Variants in NEGR1 observed in about 807,000 individuals in gnomAD.
NEGR1 encodes IgLON family member 4.
In NEGR1, 10 loss-of-function variants were observed where a neutral mutation model predicts 40.9. The observed-to-expected ratio is 0.24, with a 90% CI of 0.15 to 0.42. The LOEUF (loss-of-function observed/expected upper bound fraction) is 0.42, where lower values mean the gene tolerates loss of function less well. NEGR1 is among the 10% of genes least tolerant of loss of function. NEGR1 has a pLI of 1.00. For missense variants in NEGR1, 352 were observed against 438.9 expected (o/e 0.80, Z 1.77); for synonymous variants, 185 against 166.8 (o/e 1.11, Z -0.84).
intron 4 of NEGR1, among the ~76,000 whole-genome samples, chr1:71,654,724 G>C (rs898668251): frequency 2.4e-4 from 36 of 152,120 alleles, no homozygotes; most frequent in African/African-American, 8.7e-4. Context: ...AAATCATTCT[G>C]ACAGAAATGA....
At chr1:71,945,813 G>T (rs1312834816) in intron 1 of NEGR1, among the ~76,000 whole-genome samples, 1 of 152,134 alleles carries the variant, frequency 6.6e-6, no homozygotes, top group East Asian at 1.9e-4. Flanking sequence ...TATCACCTGT[G>T]TTAAGTAGCT....
intron 6 of NEGR1, among the ~76,000 whole-genome samples, chr1:71,591,898 A>G (rs1414020737): frequency 6.6e-6 from 1 of 152,106 alleles, no homozygotes; most frequent in Non-Finnish European, 1.5e-5. Context: ...GATATTTATG[A>G]TGAACTATAC....
At chr1:71,551,779 G>A (rs1648082232) in intron 6 of NEGR1, among the ~76,000 whole-genome samples, 1 of 151,392 alleles carries the variant, frequency 6.6e-6, no homozygotes, top group South Asian at 2.1e-4. Context: ...GTCATCCTGG[G>A]AAGATGATCT....
At chr1:71,995,776 C>A (rs1646499034) in intron 1 of NEGR1, among the ~76,000 whole-genome samples, 1 of 152,140 alleles carries the variant, frequency 6.6e-6, no homozygotes, top group Admixed American at 6.5e-5. Flanking sequence ...CATTTTCTTT[C>A]TCTGATCACT....
At chr1:71,588,256 TAAC>T (rs1165839566) in intron 6 of NEGR1, among the ~76,000 whole-genome samples, 6 of 152,026 alleles carry the variant, frequency 3.9e-5, no homozygotes, top group Non-Finnish European at 7.4e-5. Context: ...CACTGAAAAA[TAAC>T]AATAAAATAA....
At chr1:71,928,082 ATG>A (rs1256005539) in intron 2 of NEGR1, among the ~76,000 whole-genome samples, 2 of 127,372 alleles carry the variant, frequency 1.6e-5, no homozygotes, top group African/African-American at 2.9e-5. Flanking sequence ...ATGTACATAT[ATG>A]TATATATACA....
chr1:71,759,116 A>G (rs1655845117), intron 3 of NEGR1, among the ~76,000 whole-genome samples: 1 of 152,120 alleles, frequency 6.6e-6, no homozygotes, highest in African/African-American at 2.4e-5. Flanking sequence ...TACTTAATGT[A>G]AGTATTAGAT....
chr1:72,161,665 T>C (rs1249679035), intron 1 of NEGR1, among the ~76,000 whole-genome samples: 1 of 134,754 alleles, frequency 7.4e-6, no homozygotes, highest in African/African-American at 2.9e-5. Context: ...TTATTTTTTC[T>C]TTCTTTCTTT....
chr1:71,458,225 C>T (rs751609751), intron 6 of NEGR1, among the ~76,000 whole-genome samples: 1 of 152,154 alleles, frequency 6.6e-6, no homozygotes, highest in Non-Finnish European at 1.5e-5. Flanking sequence ...AAGGTGTAGC[C>T]TAAGACCTGA....
At chr1:71,432,666 C>G (rs544809173) in intron 6 of NEGR1, among the ~76,000 whole-genome samples, 1 of 152,182 alleles carries the variant, frequency 6.6e-6, no homozygotes, top group African/African-American at 2.4e-5. Context: ...AAGACTGACT[C>G]CAAGGATCAT....
intron 6 of NEGR1, chr1:71,421,461 T>C (rs1002710458): frequency 6.6e-6 from 1 of 152,112 alleles, no homozygotes; most frequent in African/African-American, 2.4e-5. Flanking sequence ...CTTATATTCC[T>C]GAATAGCAAA....
chr1:71,600,402 G>A (rs1649876715), intron 5 of NEGR1, among the ~76,000 whole-genome samples: 1 of 152,152 alleles, frequency 6.6e-6, no homozygotes, highest in African/African-American at 2.4e-5. Context: ...TGTTAGATGT[G>A]AGCCCATGAG....
intron 1 of NEGR1, among the ~76,000 whole-genome samples, chr1:71,981,781 G>A (rs1018315558): frequency 6.6e-6 from 1 of 152,028 alleles, no homozygotes; most frequent in African/African-American, 2.4e-5. Flanking sequence ...GTAACTAGAA[G>A]GTGAGATTTG....
intron 2 of NEGR1, among the ~76,000 whole-genome samples, chr1:71,832,148 A>G (rs974767245): frequency 2.6e-5 from 4 of 151,944 alleles, no homozygotes; most frequent in Non-Finnish European, 5.9e-5. Context: ...AAGCTGAAAG[A>G]CAGTTCAAAG....
chr1:71,782,002 A>G (rs1656734591), intron 2 of NEGR1, among the ~76,000 whole-genome samples: 1 of 152,166 alleles, frequency 6.6e-6, no homozygotes, highest in Admixed American at 6.5e-5. Context: ...TCAAAATTCG[A>G]TCTTAAAAAA....
At chr1:72,008,759 A>G (rs1646631225) in intron 1 of NEGR1, among the ~76,000 whole-genome samples, 1 of 152,228 alleles carries the variant, frequency 6.6e-6, no homozygotes, top group Non-Finnish European at 1.5e-5. Flanking sequence ...GACTGATGAT[A>G]ATAAAAAAAG....
intron 1 of NEGR1, among the ~76,000 whole-genome samples, chr1:72,090,767 C>G (rs1412776072): frequency 2.0e-5 from 3 of 152,080 alleles, no homozygotes; most frequent in Non-Finnish European, 4.4e-5. Context: ...CACCTGCCTG[C>G]TTGTTTTCTC....
intron 3 of NEGR1, among the ~76,000 whole-genome samples, chr1:71,756,683 C>G (rs755211290): frequency 6.6e-6 from 1 of 152,028 alleles, no homozygotes; most frequent in Admixed American, 6.6e-5. Context: ...TCCTCACAGA[C>G]AGCTTCTCAT....
intron 2 of NEGR1, among the ~76,000 whole-genome samples, chr1:71,846,004 T>C (rs559669077): frequency 2.0e-5 from 3 of 148,698 alleles, no homozygotes; most frequent in Non-Finnish European, 4.5e-5. Flanking sequence ...GCTTAAGCTA[T>C]TCTCCCACCA....
Sources: gnomAD v4.1 joint callset for allele counts (sites outside exome capture counted in the v4.1 genomes callset) on GRCh38, gnomAD v4.1.1 for gene constraint, MANE v1.5 for transcripts, NCBI Gene and HGNC (gene_info 2026-07-23, HGNC 2026-07-21) for gene names.